BIRC6: variants seen among roughly 807,000 people sequenced by gnomAD.
BIRC6 encodes the protein dual E2 ubiquitin-conjugating enzyme/E3 ubiquitin-protein ligase BIRC6.
BIRC6 carries 98 observed loss-of-function variants against 503.3 expected under a neutral mutation model. That is an observed-to-expected ratio of 0.19 (90% CI 0.17 to 0.23). The LOEUF is 0.23. Among genes scored for constraint, BIRC6 ranks in the 10% least tolerant of loss-of-function variants. The probability of loss-of-function intolerance (pLI) is 1.00; values close to 1 mark genes in which losing one functional copy is unlikely to be tolerated. For synonymous variants in BIRC6, 2,240 were observed against 2,078.7 expected (o/e 1.08, Z -2.11); for missense variants, 5,360 against 5,806.0 (o/e 0.92, Z 2.50).
In BIRC6 at chr2:32,599,912, G is replaced by T; in HGVS notation, c.13992+12G>T. 4 of 1,606,278 alleles carry T rather than the reference G, an allele frequency of 2.5e-6. No individual in the cohort carries two copies. Among genetic ancestry groups the T allele is most frequent in the Non-Finnish European group, 3.4e-6 (4 of 1,176,134 alleles). On this transcript the variant is annotated intron_variant, in intron 70 of 73. Transcript: ENST00000421745. ...ATAATGATGGCAAGGTAAATTAATT[G>T]CAATTTTTTGTTTCAAATGCCAATG...
intron 6 of BIRC6, 104 bp from the exon 7 acceptor site, chr2:32,401,059 T>TGA: frequency 1.0e-6 from 1 of 954,618 alleles, no homozygotes; most frequent in Non-Finnish European, 1.6e-6. Flanking sequence ...GATGAATACT[T>TGA]TAAGTTCAGT....
chr2:32,494,489 G>A (rs2149372620), intron 45 of BIRC6, among the ~76,000 whole-genome samples: 1 of 152,022 alleles, frequency 6.6e-6, no homozygotes, highest in Non-Finnish European at 1.5e-5. Flanking sequence ...GCCTCCCAAA[G>A]TGCTGGGATT....
intron 66 of BIRC6, chr2:32,590,810 G>A (rs979206569): frequency 1.4e-5 from 14 of 985,756 alleles, no homozygotes; most frequent in Non-Finnish European, 1.7e-5. Flanking sequence ...CTTCAGGGCA[G>A]TGATCACAAC....
rs2054846161 is a variant in BIRC6, at chr2:32,514,812, A to G, written c.10569-178A>G. 2.0e-5 allele frequency among the ~76,000 whole-genome samples: 3 copies of G among 152,240 alleles called. No individual in the cohort carries two copies. The South Asian group carries it at 6.2e-4, about 32-fold the overall frequency. On this transcript the variant is annotated intron_variant, in intron 54 of 73. Coordinates refer to ENST00000421745, the MANE Select transcript of BIRC6 (RefSeq NM_016252.4). ...GTACCTACATTCTTCAATTTTAAAT[A>G]TATATATGTGTGTCTATATATATAT... is the stretch of plus-strand genomic sequence containing the variant.
rs11336710 is a variant in BIRC6 at position 32,609,749 on chromosome 2, CAA to C, written c.14260-1682_14260-1681del. The stretch of plus-strand genomic sequence containing the variant: ...TGGGCAGCACGGTGAGACTCTGTCT[CAA>C]AAAAAAAAAAAAAAAAGTAATTTGT... On this transcript the variant is annotated intron_variant, in intron 72 of 73. Transcript: ENST00000421745. 8.1e-3 allele frequency among the ~76,000 whole-genome samples: 930 copies of C among 115,470 alleles called. 8 individuals carry two copies. The highest frequency in any genetic ancestry group is 0.023 in the African/African-American group (740 of 32,280). 75.8% of individuals were successfully genotyped at this position (115,470 alleles called of 152,430 possible). A position where few individuals can be genotyped will look rare whatever the true frequency, so the allele number is the denominator to read the frequency against.
At chr2:32,430,237 T>C (rs2043948356) in intron 11 of BIRC6, among the ~76,000 whole-genome samples, 1 of 152,230 alleles carries the variant, frequency 6.6e-6, no homozygotes, top group South Asian at 2.1e-4. Flanking sequence ...TAGCATTTTT[T>C]AATGTTATAC....
intron 10 of BIRC6, among the ~76,000 whole-genome samples, chr2:32,423,188 C>A (rs141902585): frequency 0.022 from 3,329 of 152,274 alleles, 111 homozygotes; most frequent in African/African-American, 0.077. Flanking sequence ...CCTTGGCCTC[C>A]CAAAGTGATG....
chr2:32,395,723 A>T (rs2039800491), intron 6 of BIRC6, 130 bp downstream of exon 6: 1 of 699,124 alleles, frequency 1.4e-6, no homozygotes, highest in African/African-American at 1.8e-5. Flanking sequence ...TTGTCCTGAG[A>T]ATGAGCTAGC....
Position 32,476,297 on chromosome 2 carries a change from T to A in BIRC6, c.6805T>A (p.Tyr2269Asn). The A allele has an allele frequency of 6.4e-7, 1 of 1,572,080 alleles. No homozygotes were observed. The highest frequency in any genetic ancestry group is 8.6e-7 in the Non-Finnish European group (1 of 1,157,148). Residue 2269 changes from tyrosine (Y) to asparagine (N), a missense_variant, in exon 34 of 74, where the codon TAT becomes AAT. Around this residue, in one of 16 missense-constraint regions of BIRC6, gnomAD observed 2,299 missense variants for 2,267.2 expected, o/e 1.01. Transcript: ENST00000421745. ...EKIQSNKGSSYKLLVEQAKLK... is the reference protein window; with the variant it reads ...EKIQSNKGSSNKLLVEQAKLK... ...AATACAAAGTAACAAAGGATCATCATATAAACTCCTGGTAGAACAAGCAAA... is the reference window on the plus strand; with the variant it reads ...AATACAAAGTAACAAAGGATCATCAAATAAACTCCTGGTAGAACAAGCAAA...
chr2:32,357,041 C>A lies in BIRC6; in HGVS notation c.-121C>A. On this transcript the variant is annotated 5_prime_UTR_variant, in exon 1 of 74. Transcript: ENST00000421745. This position sits in a 1 kb window ranked among gnomAD's most constrained non-coding sequence, Gnocchi z 4.9. ...GCCCCGCCTCCCTCCCTGCTTCTCCCCCTCTCCCGTCAGCCTCCCTCCGAG... is the reference window on the plus strand; with the variant it reads ...GCCCCGCCTCCCTCCCTGCTTCTCCACCTCTCCCGTCAGCCTCCCTCCGAG... 6.8e-6 allele frequency: 6 copies of A among 888,230 alleles called. No individual in the cohort carries two copies. The highest frequency in any genetic ancestry group is 9.6e-6 in the Non-Finnish European group (6 of 627,636). The allele number at this position is 888,230 out of a possible 1,614,324, so 55.0% of individuals were successfully genotyped here. A position where few individuals can be genotyped will look rare whatever the true frequency, so the allele number is the denominator to read the frequency against.
intron 22 of BIRC6, among the ~76,000 whole-genome samples, chr2:32,452,839 G>C (rs1419402118): frequency 6.6e-6 from 1 of 151,892 alleles, no homozygotes; most frequent in Non-Finnish European, 1.5e-5. Flanking sequence ...TTATTCTTCT[G>C]TCTCCCAATT....
chr2:32,573,012 T>C (rs192082620), intron 65 of BIRC6, among the ~76,000 whole-genome samples: 144 of 152,346 alleles, frequency 9.5e-4, no homozygotes, highest in Non-Finnish European at 1.3e-3. Flanking sequence ...CTACCTCTAG[T>C]TGGACTCCCA....
intron 15 of BIRC6, among the ~76,000 whole-genome samples, chr2:32,436,946 T>C (rs912818789): frequency 1.8e-4 from 26 of 144,848 alleles, no homozygotes; most frequent in Non-Finnish European, 2.8e-4. Flanking sequence ...TGGAGTGCAG[T>C]TCTGTTATCT....
intron 5 of BIRC6, among the ~76,000 whole-genome samples, chr2:32,394,609 A>G (rs1369122424): frequency 6.6e-6 from 1 of 152,140 alleles, no homozygotes; most frequent in Non-Finnish European, 1.5e-5. Flanking sequence ...AGGCAGGAGG[A>G]TCGCTTAAGC....
At chr2:32,536,421 A>G (rs2057238754) in intron 61 of BIRC6, among the ~76,000 whole-genome samples, 1 of 152,124 alleles carries the variant, frequency 6.6e-6, no homozygotes, top group South Asian at 2.1e-4. Flanking sequence ...GTTTTCTTCT[A>G]GGGTTTTTAT....
At chr2:32,368,312 G>A (rs916797912) in intron 1 of BIRC6, among the ~76,000 whole-genome samples, 1 of 151,976 alleles carries the variant, frequency 6.6e-6, no homozygotes, top group East Asian at 1.9e-4. Context: ...AGGCCGAGGT[G>A]GATGGATCTC....
intron 1 of BIRC6, among the ~76,000 whole-genome samples, chr2:32,363,817 TAAA>T (rs1311426600): frequency 6.6e-6 from 1 of 152,170 alleles, no homozygotes; most frequent in Non-Finnish European, 1.5e-5. Context: ...ATGACAAATG[TAAA>T]ATAGGGGATG....
intron 10 of BIRC6, among the ~76,000 whole-genome samples, chr2:32,426,011 A>AC (rs1219530878): frequency 1.3e-5 from 2 of 152,164 alleles, no homozygotes; most frequent in Non-Finnish European, 2.9e-5. Flanking sequence ...TATTGTAGAT[A>AC]TCCTGTTAGG....
intron 21 of BIRC6, among the ~76,000 whole-genome samples, chr2:32,447,199 A>C (rs1218952971): frequency 1.4e-5 from 2 of 147,478 alleles, no homozygotes; most frequent in Non-Finnish European, 3.0e-5. Flanking sequence ...TTTTTTCCCC[A>C]CCCTTCCCGC....
Sources: gnomAD v4.1 joint callset for allele counts (sites outside exome capture counted in the v4.1 genomes callset) on GRCh38, gnomAD v4.1.1 for gene constraint, gnomAD v4.1.1 regional missense constraint, Gnocchi (gnomAD v3.1) non-coding constraint, MANE v1.5 for transcripts, NCBI Gene and HGNC (gene_info 2026-07-23, HGNC 2026-07-21) for gene names.